The following ZNF333 variants were observed in gnomAD, a reference collection of about 807,000 sequenced individuals.
ZNF333 encodes the protein zinc finger protein 333.
Under a neutral mutation model 76.1 loss-of-function variants are expected in ZNF333, and 61 were observed. The ratio of observed to expected loss-of-function variants is 0.80; its 90% confidence interval spans 0.65 to 0.99. The LOEUF is 0.99. Among genes scored for constraint, ZNF333 ranks in the 50% least tolerant of loss-of-function variants. The pLI is 0.00. For missense variants in ZNF333, 717 were observed against 822.4 expected (o/e 0.87, Z 1.57); for synonymous variants, 284 against 305.0 (o/e 0.93, Z 0.72).
Position 14,715,437 on chromosome 19 carries a change from T to C in ZNF333, c.567T>C (p.Ala189=). 2 of 1,614,066 alleles carry C rather than the reference T, an allele frequency of 1.2e-6. No homozygotes were observed. Among genetic ancestry groups the C allele is most frequent in the Non-Finnish European group, 1.7e-6 (2 of 1,179,958 alleles). The change falls in exon 8 of 12, where the codon GCT becomes GCC. Residue 189 remains alanine (A), a synonymous_variant. Transcript: ENST00000292530. ...WLQEDKVEEE[A]MAPGLPTACS... is the part of the protein sequence containing the mutation. The stretch of plus-strand genomic sequence containing the variant: ...AGGAGGACAAAGTGGAGGAAGAAGC[T>C]ATGGCTCCTGGGCTGCCAACCGCCT...
intron 7 of ZNF333, among the ~76,000 whole-genome samples, chr19:14,711,434 C>T (rs1285131060): frequency 6.6e-6 from 1 of 152,072 alleles, no homozygotes; most frequent in Non-Finnish European, 1.5e-5. Context: ...CTTTGGGAGG[C>T]TGAGGTGGGA....
intron 2 of ZNF333, among the ~76,000 whole-genome samples, chr19:14,694,772 T>C (rs1257987216): frequency 1.3e-5 from 2 of 152,232 alleles, no homozygotes; most frequent in Non-Finnish European, 2.9e-5. Context: ...TGGTGGCCCA[T>C]GTGATCTCTG....
At chr19:14,691,626 A>G (rs1481927202) in intron 1 of ZNF333, among the ~76,000 whole-genome samples, 1 of 151,740 alleles carries the variant, frequency 6.6e-6, no homozygotes, top group Non-Finnish European at 1.5e-5. Context: ...CTTATGAAAG[A>G]CAGGCACTTT....
chr19:14,732,652 TAAAAAG>T, exon 12 of ZNF333: 1 of 152,148 alleles, frequency 6.6e-6, no homozygotes, highest in Non-Finnish European at 1.5e-5. Context: ...TGAAAACAAA[TAAAAAG>T]AAGAATGATA....
downstream of ZNF333, among the ~76,000 whole-genome samples, chr19:14,724,085 G>A (rs570766399): frequency 6.6e-6 from 1 of 152,138 alleles, no homozygotes; most frequent in African/African-American, 2.4e-5. Flanking sequence ...ATCTTTTGGT[G>A]TACTGCCTTT....
intron 5 of ZNF333, among the ~76,000 whole-genome samples, chr19:14,704,327 C>T (rs886072081): frequency 1.3e-5 from 2 of 152,064 alleles, no homozygotes; most frequent in Non-Finnish European, 2.9e-5. Context: ...CTCTGTCGTC[C>T]AGGCTGGAGT....
intron 4 of ZNF333, among the ~76,000 whole-genome samples, chr19:14,698,188 AC>A (rs566642318): frequency 6.6e-6 from 1 of 151,462 alleles, no homozygotes; most frequent in Non-Finnish European, 1.5e-5. Flanking sequence ...GCCTGGCCCA[AC>A]ATGGTGAAAC....
chr19:14,699,729 T>C (rs1464020630), intron 5 of ZNF333, among the ~76,000 whole-genome samples: 1 of 152,076 alleles, frequency 6.6e-6, no homozygotes, highest in Non-Finnish European at 1.5e-5. Context: ...TCTTTTTTTC[T>C]AGAAGGTTTC....
downstream of ZNF333, among the ~76,000 whole-genome samples, chr19:14,723,734 A>G (rs2042616602): frequency 1.3e-5 from 2 of 152,044 alleles, no homozygotes; most frequent in Non-Finnish European, 2.9e-5. Flanking sequence ...AAGTGTCACT[A>G]CTCTCCTTGG....
At chr19:14,697,512 C>A (rs1183129323) in intron 4 of ZNF333, among the ~76,000 whole-genome samples, 1 of 151,668 alleles carries the variant, frequency 6.6e-6, no homozygotes, top group African/African-American at 2.4e-5. Context: ...CAGGTGCATG[C>A]CCTCATGCCT....
intron 8 of ZNF333, 93 bp from the exon 9 acceptor site, chr19:14,716,019 G>A: frequency 6.4e-7 from 1 of 1,573,676 alleles, no homozygotes; most frequent in Non-Finnish European, 8.6e-7. Flanking sequence ...CTCTGCCTGG[G>A]TTTTCCCTTC....
At chr19:14,698,768 A>C (rs1488973287) in intron 4 of ZNF333, among the ~76,000 whole-genome samples, 3 of 151,584 alleles carry the variant, frequency 2.0e-5, no homozygotes, top group African/African-American at 7.3e-5. Flanking sequence ...TGAACTCAGG[A>C]GGCAGAGGTT....
chr19:14,700,875 G>A (rs2041936709), intron 5 of ZNF333, among the ~76,000 whole-genome samples: 1 of 152,196 alleles, frequency 6.6e-6, no homozygotes, highest in South Asian at 2.1e-4. Flanking sequence ...AGTGGATGGG[G>A]TGCAGTGGCC....
intron 7 of ZNF333, chr19:14,708,633 T>A (rs1037564185): frequency 1.4e-5 from 5 of 355,342 alleles, no homozygotes; most frequent in African/African-American, 2.1e-5. Context: ...TCCTGTGCAT[T>A]ATAGGATGCT....
intron 8 of ZNF333, 63 bp downstream of exon 8, chr19:14,715,533 TC>T: frequency 2.0e-6 from 3 of 1,483,308 alleles, no homozygotes; most frequent in Middle Eastern, 1.7e-4. Context: ...CTTACCTTCT[TC>T]CTGTGACCTG....
chr19:14,694,439 C>T (rs1330373162), intron 2 of ZNF333, among the ~76,000 whole-genome samples: 2 of 151,202 alleles, frequency 1.3e-5, no homozygotes, highest in African/African-American at 4.9e-5. Flanking sequence ...CGCCACTGCA[C>T]TCCAGCCTGG....
At chr19:14,693,610 G>T (rs1211494701) in intron 2 of ZNF333, 116 bp downstream of exon 2, 10 of 1,291,150 alleles carry the variant, frequency 7.7e-6, no homozygotes, top group Non-Finnish European at 1.1e-6. Context: ...GAAAGGGAAG[G>T]GTGAGTGAGG....
chr19:14,717,333 A>G (rs10415134), intron 10 of ZNF333: 7,018 of 537,724 alleles, frequency 0.013, 314 homozygotes, highest in African/African-American at 0.1. Flanking sequence ...CCATGTGTAT[A>G]TTTTATCCAT....
downstream of ZNF333, among the ~76,000 whole-genome samples, chr19:14,726,302 G>C (rs1018735956): frequency 6.6e-6 from 1 of 152,146 alleles, no homozygotes; most frequent in Non-Finnish European, 1.5e-5. Flanking sequence ...AGGCTTCTGG[G>C]TTTGTGATGG....
Sources: gnomAD v4.1 joint callset for allele counts (sites outside exome capture counted in the v4.1 genomes callset) on GRCh38, gnomAD v4.1.1 for gene constraint, MANE v1.5 for transcripts, NCBI Gene and HGNC (gene_info 2026-07-23, HGNC 2026-07-21) for gene names.